Variants in NCS1 observed in about 807,000 individuals in gnomAD.
The protein encoded by NCS1 is frequenin homolog.
NCS1 carries 6 observed loss-of-function variants against 28.4 expected under a neutral mutation model. The observed-to-expected ratio is 0.21, with a 90% CI of 0.12 to 0.42. The LOEUF (loss-of-function observed/expected upper bound fraction) is 0.42. Among genes scored for constraint, NCS1 ranks in the 10% least tolerant of loss-of-function variants. NCS1 has a pLI of 1.00. For missense variants in NCS1, 131 were observed against 241.4 expected, an observed-to-expected ratio of 0.54 and a Z score of 3.03; for synonymous variants, 86 against 99.3, an observed-to-expected ratio of 0.87 and a Z score of 0.79.
rs555989171 is a variant in NCS1, at chr9:130,209,149, C to T, written c.89+8167C>T. ...AATTTGCCGAGGCTGCCGCTGCGCC[C>T]ATCCCCGCTGCGCCTGGCTGATTGC... On this transcript the variant is annotated intron_variant, in intron 2 of 7. Coordinates refer to ENST00000372398, the MANE Select transcript of NCS1 (RefSeq NM_014286.4). The surrounding 1 kb of genome is among the most constrained non-coding windows in gnomAD (Gnocchi z 4.4). Among the ~76,000 whole-genome samples, 182 of 152,306 alleles carry T rather than the reference C, an allele frequency of 1.2e-3. 1 individual carries two copies. Among genetic ancestry groups the T allele is most frequent in the African/African-American group, 4.2e-3 (176 of 41,566 alleles).
Position 130,172,741 on chromosome 9 carries a change from G to GC in NCS1, c.64+19dup. 2 of 1,459,828 alleles carry GC rather than the reference G, an allele frequency of 1.4e-6. No individual in the cohort carries two copies. The highest frequency in any genetic ancestry group is 1.8e-6 in the Non-Finnish European group (2 of 1,094,076). The allele number at this position is 1,459,828 out of a possible 1,614,324, so 90.4% of individuals were successfully genotyped here. A position where few individuals can be genotyped will look rare whatever the true frequency, so the allele number is the denominator to read the frequency against. On this transcript the variant is annotated intron_variant, in intron 1 of 7. Transcript: ENST00000372398. ...GGAAGACCTACTGTGAGTGCTCCCA[G>GC]CCCCCAGCCCGCGCCCCGCGGTCAC... is the stretch of plus-strand genomic sequence containing the variant.
intron 1 of NCS1, among the ~76,000 whole-genome samples, chr9:130,195,356 T>G (rs944556262): frequency 6.6e-6 from 1 of 151,842 alleles, no homozygotes; most frequent in Non-Finnish European, 1.5e-5. Context: ...AAGACAGACC[T>G]CATGTGAAGG....
chr9:130,181,470 A>G lies in NCS1; in HGVS notation c.64+8743A>G, dbSNP rs1315112651. Among the ~76,000 whole-genome samples the G allele has an allele frequency of 6.6e-6, 1 of 151,666 alleles. No homozygotes were observed. Among genetic ancestry groups the G allele is most frequent in the Admixed American group, 6.6e-5 (1 of 15,200 alleles). ...TGACCCAGGCCTGTCCTTGGTGTTC[A>G]CGTGTGTTCCTCACCAATTCCACCC... On this transcript the variant is annotated intron_variant, in intron 1 of 7. Transcript: ENST00000372398. This position sits in a 1 kb window ranked among gnomAD's most constrained non-coding sequence, Gnocchi z 5.0.
At chr9:130,225,965 G>A (rs746922170) in intron 6 of NCS1, among the ~76,000 whole-genome samples, 1 of 152,144 alleles carries the variant, frequency 6.6e-6, no homozygotes, top group Non-Finnish European at 1.5e-5. Flanking sequence ...TCCAGTGTGG[G>A]CTGCTCCAGG....
chr9:130,211,139 C>G (rs142586926), intron 2 of NCS1, among the ~76,000 whole-genome samples: 2 of 150,964 alleles, frequency 1.3e-5, no homozygotes, highest in Non-Finnish European at 2.9e-5. Context: ...AGGTGTGAGC[C>G]ACCTGACCCA....
intron 1 of NCS1, among the ~76,000 whole-genome samples, chr9:130,198,371 C>T (rs1389346030): frequency 5.3e-5 from 8 of 152,176 alleles, no homozygotes; most frequent in Admixed American, 1.3e-4. Context: ...AGGGAAGCCC[C>T]GCTCTGGCAC....
intron 4 of NCS1, 110 bp from the exon 5 acceptor site, chr9:130,222,540 G>T: frequency 1.2e-6 from 1 of 817,356 alleles, no homozygotes; most frequent in Non-Finnish European, 2.1e-6. Flanking sequence ...GATGAGGAAT[G>T]GGCCATCCGG....
chr9:130,189,879 A>AAAT (rs1554906056), intron 1 of NCS1, among the ~76,000 whole-genome samples: 10 of 37,752 alleles, frequency 2.6e-4, no homozygotes, highest in African/African-American at 1.2e-3. Flanking sequence ...AAAAAAAAAA[A>AAAT]ATATATATAT....
chr9:130,207,838 T>G (rs1221746542), intron 2 of NCS1, among the ~76,000 whole-genome samples: 1 of 152,210 alleles, frequency 6.6e-6, no homozygotes, highest in East Asian at 1.9e-4. Context: ...TGCCGTTGTC[T>G]GTATTTGGCA....
chr9:130,222,986 TC>T, intron 5 of NCS1, 95 bp from the exon 6 acceptor site: 2 of 941,378 alleles, frequency 2.1e-6, no homozygotes, highest in Non-Finnish European at 3.3e-6. Flanking sequence ...GGGGCGGCCC[TC>T]ATCTGGAAAC....
At chr9:130,179,999 CTATCTAT>C (rs1564701831) in intron 1 of NCS1, among the ~76,000 whole-genome samples, 8 of 558 alleles carry the variant, frequency 0.014, no homozygotes, top group African/African-American at 0.017. Flanking sequence ...TTCTTTTTAT[CTATCTAT>C]CTATCTATCT....
intron 1 of NCS1, among the ~76,000 whole-genome samples, chr9:130,176,194 C>CTT (rs35934993): frequency 6.0e-5 from 3 of 50,138 alleles, no homozygotes; most frequent in African/African-American, 1.1e-4. Context: ...TTCTTTCTTT[C>CTT]TTTTTTTTTT....
rs1453591028 is a variant in NCS1 at position 130,175,432 on chromosome 9, G to C, written c.64+2705G>C. 6.6e-6 allele frequency among the ~76,000 whole-genome samples: 1 copy of C among 152,132 alleles called. No individual in the cohort carries two copies. The highest frequency in any genetic ancestry group is 2.4e-5 in the African/African-American group (1 of 41,420). ...TGAAGGTACCTGGGCTGCCCTCCCG[G>C]ATTTCCGATTCTTTAGGTCTGGCTG... On this transcript the variant is annotated intron_variant, in intron 1 of 7. Transcript: ENST00000372398. This position sits in a 1 kb window ranked among gnomAD's most constrained non-coding sequence, Gnocchi z 4.9.
chr9:130,219,234 C>T lies in NCS1; in HGVS notation c.229-491C>T, dbSNP rs79159108. Among the ~76,000 whole-genome samples the T allele has an allele frequency of 7.0e-3, 1,057 of 152,084 alleles. 11 individuals are homozygous for T. Among genetic ancestry groups the T allele is most frequent in the South Asian group, 0.04 (193 of 4,812 alleles). ...TCCCATCCCCAGCTTCTCCCAGGTG[C>T]CCCCAGGCTGGGAGTCACATGCCTG... is the stretch of plus-strand genomic sequence containing the variant. On this transcript the variant is annotated intron_variant, in intron 3 of 7. Transcript: ENST00000372398. The surrounding 1 kb of genome is among the most constrained non-coding windows in gnomAD (Gnocchi z 5.7).
In NCS1 at chr9:130,226,324, C is replaced by T. The variant is rs368495475; in HGVS notation, c.475-65C>T. On this transcript the variant is annotated intron_variant, in intron 6 of 7. Transcript: ENST00000372398. This position sits in a 1 kb window ranked among gnomAD's most constrained non-coding sequence, Gnocchi z 4.8. ...AAGGGCTCTTGGGACCGGCCCTGGGCTGGGCTTGTCTAGAGCCCTCTCCTG... is the reference window on the plus strand; with the variant it reads ...AAGGGCTCTTGGGACCGGCCCTGGGTTGGGCTTGTCTAGAGCCCTCTCCTG... The T allele has an allele frequency of 2.6e-5, 36 of 1,410,528 alleles. No individual in the cohort carries two copies. The highest frequency in any genetic ancestry group is 1.2e-4 in the South Asian group (10 of 86,028). 87.4% of individuals were successfully genotyped at this position (1,410,528 alleles called of 1,614,324 possible).
chr9:130,224,307 A>G (rs1426580906), intron 6 of NCS1, among the ~76,000 whole-genome samples: 2 of 150,852 alleles, frequency 1.3e-5, no homozygotes, highest in African/African-American at 4.9e-5. Flanking sequence ...AAAAAAAAAA[A>G]AAAAAATCCG....
At position 130,223,177 on chromosome 9, in the gene NCS1, G is replaced by T; in HGVS notation, c.474+18G>T. 1 of 1,604,100 alleles carries T rather than the reference G, an allele frequency of 6.2e-7. No homozygotes were observed. Among genetic ancestry groups the T allele is most frequent in the Non-Finnish European group, 8.5e-7 (1 of 1,171,270 alleles). On this transcript the variant is annotated intron_variant, in intron 6 of 7. Coordinates refer to ENST00000372398, the MANE Select transcript of NCS1 (RefSeq NM_014286.4). ...TGGATAAGGTGAGGTGGGGGGGCGG[G>T]GCTGGTCCTGGACCAGGGAGGCAAG...
intron 2 of NCS1, among the ~76,000 whole-genome samples, chr9:130,201,448 G>A (rs797034396): frequency 3.3e-4 from 51 of 152,268 alleles, no homozygotes; most frequent in African/African-American, 1.1e-3. Context: ...CTGGAGGGCC[G>A]TGATAAGGAT....
chr9:130,229,605 A>G (rs1833470757), intron 7 of NCS1, among the ~76,000 whole-genome samples: 1 of 152,132 alleles, frequency 6.6e-6, no homozygotes, highest in Non-Finnish European at 1.5e-5. Context: ...TCCCATGGTG[A>G]ATGCTGATCC....
Sources: allele counts gnomAD v4.1 joint callset (sites outside exome capture counted in the v4.1 genomes callset), GRCh38; gene constraint gnomAD v4.1.1; non-coding constraint Gnocchi (gnomAD v3.1); transcripts MANE v1.5; gene names NCBI Gene and HGNC (gene_info 2026-07-23, HGNC 2026-07-21).